The following ARMC9 variants were observed in gnomAD, a reference collection of about 807,000 sequenced individuals.
ARMC9 encodes armadillo repeat containing 9.
A neutral mutation model predicts 107.0 loss-of-function variants in ARMC9; 94 were observed. The ratio of observed to expected loss-of-function variants is 0.88; its 90% CI spans 0.74 to 1.04. ARMC9 has a LOEUF of 1.04. Ranked by LOEUF, ARMC9 falls within the 50% of genes least tolerant of loss-of-function variation. The pLI is 0.00. For synonymous variants in ARMC9, 380 were observed against 396.9 expected (o/e 0.96, Z 0.51); for missense variants, 942 against 1,030.1 (o/e 0.91, Z 1.17).
At chr2:231,232,002 A>C (rs528922842) in intron 7 of ARMC9, among the ~76,000 whole-genome samples, 1 of 148,490 alleles carries the variant, frequency 6.7e-6, no homozygotes, top group South Asian at 2.1e-4. Context: ...AAACTGTAAT[A>C]ATAGCACGAA....
At chr2:231,219,740 G>A (rs1473741714) in intron 5 of ARMC9, among the ~76,000 whole-genome samples, 2 of 151,732 alleles carry the variant, frequency 1.3e-5, no homozygotes, top group Non-Finnish European at 2.9e-5. Flanking sequence ...CTAGATATCT[G>A]ACTAAATGTA....
chr2:231,360,006 C>T lies in ARMC9; in HGVS notation c.2132-748C>T, dbSNP rs980104197. Among the ~76,000 whole-genome samples the T allele has an allele frequency of 6.6e-6, 1 of 152,156 alleles. No homozygotes were observed. Among genetic ancestry groups the T allele is most frequent in the African/African-American group, 2.4e-5 (1 of 41,432 alleles). On this transcript the variant is annotated intron_variant, in intron 22 of 24. Transcript: ENST00000611582. This position sits in a 1 kb window ranked among gnomAD's most constrained non-coding sequence, Gnocchi z 4.7. ...AGGGAGTCACGGATGCAGCCTCTGT[C>T]ACAGTGTCGCTGCAGCAGTGACATG...
intron 12 of ARMC9, among the ~76,000 whole-genome samples, chr2:231,265,436 T>C (rs2038770876): frequency 6.6e-6 from 1 of 152,218 alleles, no homozygotes; most frequent in Non-Finnish European, 1.5e-5. Context: ...TGAAATAATG[T>C]CTTTTGCTGC....
intron 14 of ARMC9, 38 bp downstream of exon 14, chr2:231,273,116 G>T (rs771124300): frequency 6.3e-7 from 1 of 1,585,506 alleles, no homozygotes; most frequent in East Asian, 2.2e-5. Context: ...TCTCCTGTGA[G>T]ATCAGATTGA....
At chr2:231,346,025 TG>T (rs1374420390) in intron 21 of ARMC9, among the ~76,000 whole-genome samples, 3 of 152,210 alleles carry the variant, frequency 2.0e-5, no homozygotes, top group African/African-American at 7.2e-5. Context: ...GTTGCCCATC[TG>T]GGATTTGTCC....
At chr2:231,284,045 T>C (rs996968603) in intron 17 of ARMC9, among the ~76,000 whole-genome samples, 5 of 152,176 alleles carry the variant, frequency 3.3e-5, no homozygotes, top group Non-Finnish European at 4.4e-5. Context: ...ATTACAGTCA[T>C]GTCCCATGTA....
intron 19 of ARMC9, among the ~76,000 whole-genome samples, chr2:231,308,320 A>C (rs1457615441): frequency 2.6e-5 from 4 of 152,206 alleles, no homozygotes; most frequent in Admixed American, 6.5e-5. Context: ...TAAGAAAACC[A>C]AAGTTCAGAG....
Position 231,360,164 on chromosome 2 carries a change from G to A in ARMC9, c.2132-590G>A, listed in dbSNP as rs1310944834. ...GCTATGATGCTATCTGGGATTCTCC[G>A]TCTGCTTCCCCGTGAAGGGCTCCTG... On this transcript the variant is annotated intron_variant, in intron 22 of 24. Transcript: ENST00000611582. This position sits in a 1 kb window ranked among gnomAD's most constrained non-coding sequence, Gnocchi z 4.7. Among the ~76,000 whole-genome samples, 7 of 152,024 alleles carry A rather than the reference G, an allele frequency of 4.6e-5. No homozygotes were observed. Among genetic ancestry groups the A allele is most frequent in the Admixed American group, 1.3e-4 (2 of 15,276 alleles).
chr2:231,216,649 G>A lies in ARMC9; in HGVS notation c.360G>A (p.Glu120=), dbSNP rs371282155. ...TTCCCTTCTTCTAGGACAAAGAGGA[G>A]CTGGATGAAAAGATTTCCTACTTCA... ...KYSVGRPDKE[E]LDEKISYFKT... Residue 120 remains glutamate, a synonymous_variant, in exon 5 of 25, where the codon GAG becomes GAA. Transcript: ENST00000611582. 1.2e-6 allele frequency: 2 copies of A among 1,613,510 alleles called. No homozygotes were observed. The highest frequency in any genetic ancestry group is 1.3e-5 in the African/African-American group (1 of 74,908).
At chr2:231,338,538 T>C (rs1407485376) in intron 20 of ARMC9, among the ~76,000 whole-genome samples, 3 of 145,082 alleles carry the variant, frequency 2.1e-5, no homozygotes, top group African/African-American at 7.7e-5. Context: ...CAATTCACTT[T>C]TTTTTTTTTT....
At chr2:231,336,696 G>A (rs16827954) in intron 20 of ARMC9, among the ~76,000 whole-genome samples, 8,490 of 152,262 alleles carry the variant, frequency 0.056, 347 homozygotes, top group African/African-American at 0.11. Context: ...AAGAATCCCC[G>A]AAAGGGCTGG....
intron 21 of ARMC9, among the ~76,000 whole-genome samples, chr2:231,353,971 ATG>A (rs200746482): frequency 0.12 from 17,570 of 145,456 alleles, 3,516 homozygotes; most frequent in African/African-American, 0.44. Flanking sequence ...TGCAGCATAT[ATG>A]TATATATACA....
chr2:231,305,865 T>A (rs543393160), intron 19 of ARMC9, among the ~76,000 whole-genome samples: 12 of 152,326 alleles, frequency 7.9e-5, no homozygotes, highest in African/African-American at 2.4e-4. Flanking sequence ...TTTCTCACTT[T>A]TAAAGAACTC....
chr2:231,215,165 C>A, intron 4 of ARMC9, 164 bp downstream of exon 4: 1 of 671,578 alleles, frequency 1.5e-6, no homozygotes, highest in Non-Finnish European at 2.3e-6. Flanking sequence ...ACTGTATTCC[C>A]AGCAGTTTAT....
intron 12 of ARMC9, among the ~76,000 whole-genome samples, chr2:231,263,195 T>C (rs1413965177): frequency 6.6e-6 from 1 of 152,240 alleles, no homozygotes; most frequent in Non-Finnish European, 1.5e-5. Flanking sequence ...TGTAAAGCTA[T>C]TGTTAAACTT....
At chr2:231,252,832 G>T (rs2037426928) in intron 9 of ARMC9, among the ~76,000 whole-genome samples, 1 of 149,596 alleles carries the variant, frequency 6.7e-6, no homozygotes, top group South Asian at 2.1e-4. Flanking sequence ...TAGAGATAGG[G>T]TTTCATCATG....
intron 1 of ARMC9, among the ~76,000 whole-genome samples, chr2:231,202,100 A>G (rs1051622355): frequency 2.0e-5 from 3 of 151,402 alleles, no homozygotes; most frequent in Admixed American, 2.0e-4. Flanking sequence ...CCTGGGTTCA[A>G]GCGATTCTCC....
At chr2:231,336,753 G>A (rs929317470) in intron 20 of ARMC9, among the ~76,000 whole-genome samples, 1 of 152,230 alleles carries the variant, frequency 6.6e-6, no homozygotes, top group African/African-American at 2.4e-5. Flanking sequence ...CTGAGGCTGT[G>A]GCAGTGCCCC....
At chr2:231,317,024 GT>G (rs1328469129) in intron 19 of ARMC9, among the ~76,000 whole-genome samples, 3 of 152,124 alleles carry the variant, frequency 2.0e-5, no homozygotes, top group Non-Finnish European at 4.4e-5. Context: ...GAAGCCAGCT[GT>G]TAATTGCATA....
Sources: allele counts gnomAD v4.1 joint callset (sites outside exome capture counted in the v4.1 genomes callset), GRCh38; gene constraint gnomAD v4.1.1; non-coding constraint Gnocchi (gnomAD v3.1); transcripts MANE v1.5; gene names NCBI Gene and HGNC (gene_info 2026-07-23, HGNC 2026-07-21).